Variants in RGS7 observed in about 807,000 individuals in gnomAD.
RGS7 encodes regulator of G-protein signaling 7.
Under a neutral mutation model 81.1 loss-of-function variants are expected in RGS7, and 27 were observed. The observed-to-expected ratio is 0.33, with a 90% CI of 0.25 to 0.46. The LOEUF (loss-of-function observed/expected upper bound fraction) is 0.46. RGS7 is among the 20% of genes least tolerant of loss of function. The probability of loss-of-function intolerance (pLI) is 1.00; values close to 1 mark genes in which losing one functional copy is unlikely to be tolerated. For missense variants in RGS7, 396 were observed against 607.4 expected, an observed-to-expected ratio of 0.65 and a Z score of 3.66; for synonymous variants, 208 against 207.7, an observed-to-expected ratio of 1.00 and a Z score of -0.01.
At chr1:241,135,268 TATAAA>T (rs1200600031) in intron 2 of RGS7, among the ~76,000 whole-genome samples, 1 of 152,004 alleles carries the variant, frequency 6.6e-6, no homozygotes, top group East Asian at 1.9e-4. Context: ...CTACTAAAAA[TATAAA>T]ATAATTAGCC....
At chr1:241,165,332 G>A (rs942602540) in intron 2 of RGS7, among the ~76,000 whole-genome samples, 13 of 152,198 alleles carry the variant, frequency 8.5e-5, no homozygotes, top group East Asian at 7.7e-4. Context: ...ACATGCACAC[G>A]TATGTTTATT....
chr1:241,220,435 AT>A (rs2074824769), intron 2 of RGS7, among the ~76,000 whole-genome samples: 5 of 152,208 alleles, frequency 3.3e-5, no homozygotes, highest in Non-Finnish European at 7.3e-5. Context: ...AGCTCCCCAG[AT>A]AATTCTAATG....
At chr1:241,342,361 T>C (rs1211096901) in intron 2 of RGS7, among the ~76,000 whole-genome samples, 1 of 152,076 alleles carries the variant, frequency 6.6e-6, no homozygotes, top group Admixed American at 6.5e-5. Context: ...TATTTTAACG[T>C]CCAGTGGAAT....
intron 18 of RGS7, among the ~76,000 whole-genome samples, chr1:240,793,611 A>ATATTT: frequency 1.3e-4 from 10 of 78,814 alleles, no homozygotes; most frequent in African/African-American, 7.8e-4. Context: ...ATATATATAT[A>ATATTT]TTTTTTTTTT....
chr1:241,230,376 A>G (rs2250325), intron 2 of RGS7, among the ~76,000 whole-genome samples: 89,877 of 151,816 alleles, frequency 0.59, 27,322 homozygotes, highest in African/African-American at 0.7. Flanking sequence ...ACCACGCCTG[A>G]CTAATTTTTG....
chr1:240,967,581 G>GAAAAAA (rs149860484), intron 4 of RGS7, among the ~76,000 whole-genome samples: 47 of 139,090 alleles, frequency 3.4e-4, no homozygotes, highest in African/African-American at 1.0e-3. Flanking sequence ...GGGGGGGGGG[G>GAAAAAA]AAAAGGCTGT....
At chr1:240,849,911 G>A (rs1659792893) in intron 9 of RGS7, among the ~76,000 whole-genome samples, 1 of 152,164 alleles carries the variant, frequency 6.6e-6, no homozygotes, top group Admixed American at 6.5e-5. Flanking sequence ...ACAGAGTAAT[G>A]TGAAATTAAG....
At chr1:240,823,505 G>T (rs1477986096) in intron 10 of RGS7, 1 of 184,698 alleles carries the variant, frequency 5.4e-6, no homozygotes, top group East Asian at 1.7e-4. Flanking sequence ...CCATCGACGC[G>T]GTGCCCGGAC....
intron 3 of RGS7, among the ~76,000 whole-genome samples, chr1:240,985,069 G>A (rs1439989240): frequency 1.3e-5 from 2 of 152,198 alleles, no homozygotes; most frequent in South Asian, 2.1e-4. Context: ...TTCTCCAGAA[G>A]GCAGTTGACC....
At chr1:240,788,206 T>C (rs1685388596) in intron 18 of RGS7, among the ~76,000 whole-genome samples, 1 of 152,378 alleles carries the variant, frequency 6.6e-6, no homozygotes, top group Middle Eastern at 3.4e-3. Context: ...TTTTTCTTTT[T>C]ATACTCAAAT....
chr1:241,098,955 C>G (rs2064507090), intron 2 of RGS7, among the ~76,000 whole-genome samples, 193 bp from the exon 3 acceptor site: 1 of 152,108 alleles, frequency 6.6e-6, no homozygotes, highest in Non-Finnish European at 1.5e-5. Flanking sequence ...AGAAAAACAG[C>G]CATGTTAGGG....
chr1:241,013,009 T>C (rs1030138888), intron 3 of RGS7, among the ~76,000 whole-genome samples: 33 of 151,900 alleles, frequency 2.2e-4, no homozygotes, highest in African/African-American at 8.0e-4. Flanking sequence ...CCTACTCTTC[T>C]GTAACTTCAG....
intron 9 of RGS7, among the ~76,000 whole-genome samples, chr1:240,867,235 A>G (rs371889990): frequency 1.3e-5 from 2 of 152,224 alleles, no homozygotes; most frequent in South Asian, 4.1e-4. Flanking sequence ...TGAAATATGT[A>G]CATATATAAA....
intron 9 of RGS7, among the ~76,000 whole-genome samples, chr1:240,855,151 C>A (rs1385639830): frequency 6.6e-6 from 1 of 151,682 alleles, no homozygotes; most frequent in African/African-American, 2.4e-5. Flanking sequence ...TTTTTATAAA[C>A]AAAATTGGGA....
At chr1:240,921,959 CA>C (rs1673622126) in intron 6 of RGS7, among the ~76,000 whole-genome samples, 1 of 151,814 alleles carries the variant, frequency 6.6e-6, no homozygotes, top group African/African-American at 2.4e-5. Flanking sequence ...TGAAGGAATG[CA>C]ATGACAGAGA....
chr1:241,096,405 G>A (rs552650187), intron 3 of RGS7, among the ~76,000 whole-genome samples: 13 of 152,112 alleles, frequency 8.5e-5, no homozygotes, highest in African/African-American at 2.9e-4. Context: ...GCTGATAAGT[G>A]CTAGACATAA....
In RGS7 at chr1:241,090,556, C is replaced by T. The variant is rs547834767; in HGVS notation, c.175+8110G>A. 5.9e-5 allele frequency among the ~76,000 whole-genome samples: 9 copies of T among 151,856 alleles called. No homozygotes were observed. The South Asian group carries it at 1.7e-3, about 28-fold the overall frequency. ...TTAAGCCATGAGACGGATGGCATTG[C>T]CTTGAGAAAAAAAAAGTAGAGTGAG... On this transcript the variant is annotated intron_variant, in intron 3 of 18. Coordinates refer to ENST00000440928, the MANE Select transcript of RGS7 (RefSeq NM_001364886.1).
chr1:241,205,046 G>A, intron 2 of RGS7, among the ~76,000 whole-genome samples: 1 of 150,088 alleles, frequency 6.7e-6, no homozygotes, highest in African/African-American at 2.4e-5. Flanking sequence ...ATCAGTAATA[G>A]AATCCATAGA....
chr1:241,219,817 G>A (rs929601092), intron 2 of RGS7, among the ~76,000 whole-genome samples: 6 of 150,646 alleles, frequency 4.0e-5, no homozygotes, highest in Non-Finnish European at 7.4e-5. Flanking sequence ...TATTTTAAAA[G>A]CTTAAGAAAT....
Sources: allele counts gnomAD v4.1 joint callset (sites outside exome capture counted in the v4.1 genomes callset), GRCh38; gene constraint gnomAD v4.1.1; transcripts MANE v1.5; gene names NCBI Gene and HGNC (gene_info 2026-07-23, HGNC 2026-07-21).